Variants in RFX3 observed in about 807,000 individuals in gnomAD.
RFX3 encodes the protein regulatory factor X3, also known as transcription factor RFX3.
RFX3 carries 14 observed loss-of-function variants against 98.6 expected under a neutral mutation model. That is an observed-to-expected ratio of 0.14 (90% CI 0.09 to 0.22). The LOEUF is 0.22. Among genes scored for constraint, RFX3 ranks in the 10% least tolerant of loss-of-function variants. The pLI is 1.00. For missense variants in RFX3, 639 were observed against 926.9 expected, an observed-to-expected ratio of 0.69 and a Z score of 4.03; for synonymous variants, 383 against 328.4, an observed-to-expected ratio of 1.17 and a Z score of -1.80.
At chr9:3,468,171 T>A (rs1456940659) in intron 1 of RFX3, among the ~76,000 whole-genome samples, 1 of 152,216 alleles carries the variant, frequency 6.6e-6, no homozygotes, top group African/African-American at 2.4e-5. Flanking sequence ...ATAGATGTAT[T>A]ACTCGGCTTC....
chr9:3,391,547 T>G (rs1006173682), intron 2 of RFX3, among the ~76,000 whole-genome samples: 7 of 152,098 alleles, frequency 4.6e-5, no homozygotes, highest in African/African-American at 1.4e-4. Flanking sequence ...AAAAGCTAAC[T>G]TGAGGAAATG....
At chr9:3,454,743 C>T in intron 1 of RFX3, among the ~76,000 whole-genome samples, 1 of 152,010 alleles carries the variant, frequency 6.6e-6, no homozygotes, top group Non-Finnish European at 1.5e-5. Context: ...TATTTTTTTC[C>T]CCACAAATCT....
intron 6 of RFX3, among the ~76,000 whole-genome samples, chr9:3,292,655 A>T (rs1827535259): frequency 6.6e-6 from 1 of 152,218 alleles, no homozygotes; most frequent in Admixed American, 6.5e-5. Flanking sequence ...ATTTTTCAAG[A>T]GTCAAGTGAT....
At position 3,285,405 on chromosome 9, in the gene RFX3, C is replaced by A. The variant is rs1008292247; in HGVS notation, c.851+2726G>T. On this transcript the variant is annotated intron_variant, in intron 7 of 16. Transcript: ENST00000617270. ...CCATAAAATATATTTTTAAGAAGTT[C>A]TTTTCCCACTGTTTTCAACAAATAT... Among the ~76,000 whole-genome samples the A allele has an allele frequency of 5.9e-5, 9 of 151,788 alleles. No homozygotes were observed. In the East Asian group the frequency reaches 1.4e-3, roughly 23 times the overall value.
chr9:3,408,752 A>C (rs1842203795), intron 1 of RFX3, among the ~76,000 whole-genome samples: 1 of 152,056 alleles, frequency 6.6e-6, no homozygotes, highest in Non-Finnish European at 1.5e-5. Flanking sequence ...AGACCTTCCA[A>C]ATGGCTCCAA....
intron 1 of RFX3, among the ~76,000 whole-genome samples, chr9:3,450,699 T>C (rs1846524394): frequency 6.6e-6 from 1 of 152,178 alleles, no homozygotes. Flanking sequence ...CTCAAGTTTT[T>C]TGGTCAAGGA....
At chr9:3,309,920 A>G (rs1829766028) in intron 4 of RFX3, among the ~76,000 whole-genome samples, 1 of 152,190 alleles carries the variant, frequency 6.6e-6, no homozygotes, top group African/African-American at 2.4e-5. Flanking sequence ...GAATGATCCC[A>G]GACCTGGAAA....
intron 1 of RFX3, among the ~76,000 whole-genome samples, chr9:3,406,519 G>C (rs1258928651): frequency 2.6e-5 from 4 of 151,776 alleles, no homozygotes; most frequent in Non-Finnish European, 5.9e-5. Context: ...TCTCCAACAA[G>C]ACTATAAACT....
chr9:3,372,276 G>A (rs142259818), intron 2 of RFX3, among the ~76,000 whole-genome samples: 5 of 152,272 alleles, frequency 3.3e-5, no homozygotes, highest in African/African-American at 1.2e-4. Context: ...GGATAACTCT[G>A]AGATGTGGGA....
chr9:3,269,258 G>A (rs1329259144), intron 11 of RFX3, among the ~76,000 whole-genome samples: 1 of 151,596 alleles, frequency 6.6e-6, no homozygotes, highest in African/African-American at 2.4e-5. Flanking sequence ...AAGGTGGCCG[G>A]GAACATATTA....
At chr9:3,465,622 T>C (rs1279845569) in intron 1 of RFX3, among the ~76,000 whole-genome samples, 1 of 151,972 alleles carries the variant, frequency 6.6e-6, no homozygotes, top group Non-Finnish European at 1.5e-5. Context: ...AATCTGGATA[T>C]ATTACAAGTT....
intron 2 of RFX3, among the ~76,000 whole-genome samples, chr9:3,375,767 T>C (rs1838395899): frequency 2.0e-5 from 3 of 152,098 alleles, no homozygotes; most frequent in Non-Finnish European, 4.4e-5. Flanking sequence ...GAGACCATCC[T>C]GGCTAACACG....
chr9:3,445,730 T>C (rs987154937), intron 1 of RFX3, among the ~76,000 whole-genome samples: 6 of 152,162 alleles, frequency 3.9e-5, no homozygotes, highest in African/African-American at 1.4e-4. Flanking sequence ...ACGCGATCGA[T>C]AGGAGATCTT....
At chr9:3,497,862 G>T (rs971356585) in intron 1 of RFX3, among the ~76,000 whole-genome samples, 1 of 151,938 alleles carries the variant, frequency 6.6e-6, no homozygotes, top group African/African-American at 2.4e-5. Context: ...ATTTTAATAA[G>T]GAAGTCTTTT....
chr9:3,358,846 GAAGA>G (rs1230988517), intron 2 of RFX3, among the ~76,000 whole-genome samples: 1 of 152,058 alleles, frequency 6.6e-6, no homozygotes, highest in Non-Finnish European at 1.5e-5. Context: ...ATGGCAGGAA[GAAGA>G]AAGAATGCCA....
At chr9:3,401,373 C>T (rs1199908161) in intron 1 of RFX3, among the ~76,000 whole-genome samples, 1 of 152,166 alleles carries the variant, frequency 6.6e-6, no homozygotes, top group African/African-American at 2.4e-5. Flanking sequence ...GAGAGCAGTG[C>T]CCTAGCATGC....
At chr9:3,260,121 G>C (rs1822674931) in intron 13 of RFX3, among the ~76,000 whole-genome samples, 1 of 152,016 alleles carries the variant, frequency 6.6e-6, no homozygotes, top group African/African-American at 2.4e-5. Flanking sequence ...TCATTAATAT[G>C]TACAGAGCTG....
At chr9:3,325,700 T>C (rs1831831759) in intron 4 of RFX3, among the ~76,000 whole-genome samples, 1 of 152,216 alleles carries the variant, frequency 6.6e-6, no homozygotes, top group South Asian at 2.1e-4. Flanking sequence ...AATTATTGCA[T>C]ACTCTGGTAT....
intron 12 of RFX3, among the ~76,000 whole-genome samples, chr9:3,263,759 G>A (rs554923131): frequency 2.0e-5 from 3 of 152,168 alleles, no homozygotes; most frequent in Non-Finnish European, 4.4e-5. Flanking sequence ...TGCCCAGGAA[G>A]ATTGATCCGA....
Sources: allele counts gnomAD v4.1 joint callset (sites outside exome capture counted in the v4.1 genomes callset), GRCh38; gene constraint gnomAD v4.1.1; transcripts MANE v1.5; gene names NCBI Gene and HGNC (gene_info 2026-07-23, HGNC 2026-07-21).